The following PARP9 variants were observed in gnomAD, a reference collection of about 807,000 sequenced individuals.
PARP9 encodes the protein protein mono-ADP-ribosyltransferase PARP9.
A neutral mutation model predicts 68.8 loss-of-function variants in PARP9; 48 were observed. That is an observed-to-expected ratio of 0.70 (90% CI 0.55 to 0.89). The LOEUF is 0.89. PARP9 is among the 40% of genes least tolerant of loss of function. The pLI, the probability that PARP9 is intolerant of heterozygous loss-of-function variation, is 0.00. For synonymous variants in PARP9, 309 were observed against 333.8 expected (o/e 0.93, Z 0.81); for missense variants, 806 against 969.3 (o/e 0.83, Z 2.24).
chr3:122,536,853 G>T, intron 9 of PARP9, 81 bp downstream of exon 9: 1 of 1,473,698 alleles, frequency 6.8e-7, no homozygotes, highest in Non-Finnish European at 9.2e-7. Context: ...AGAATCATCA[G>T]CAGGTGAGCT....
rs2107562240 is a variant in PARP9, at chr3:122,534,052, T to A, written c.2080+2116A>T. On this transcript the variant is annotated intron_variant, in intron 10 of 10. Coordinates refer to ENST00000682323, the MANE Select transcript of PARP9 (RefSeq NM_001146105.2). ...TGCAGGTCACATTATGAGTCATGTC[T>A]GAATTGCCTCAAGGCAGTGGCTGTT... 1.0e-5 allele frequency: 10 copies of A among 985,480 alleles called. No homozygotes were observed. The South Asian group carries it at 4.7e-4, about 46-fold the overall frequency. 61.0% of individuals were successfully genotyped at this position (985,480 alleles called of 1,614,324 possible).
rs887019507 is a variant in PARP9, at chr3:122,557,464, C to T, written c.49+970G>A. On this transcript the variant is annotated intron_variant, in intron 3 of 10. Coordinates refer to ENST00000682323, the MANE Select transcript of PARP9 (RefSeq NM_001146105.2). ...CAAGAAGATGTGCTACTCAGATCTC[C>T]CTGCGATTGGCTATGAAGTGGGAAA... Among the ~76,000 whole-genome samples, 5 of 152,190 alleles carry T rather than the reference C, an allele frequency of 3.3e-5. 1 individual carries two copies. The highest frequency in any genetic ancestry group is 4.1e-4 in the South Asian group (2 of 4,836).
chr3:122,552,712 T>A, intron 4 of PARP9, 73 bp from the exon 5 acceptor site: 1 of 1,139,776 alleles, frequency 8.8e-7, no homozygotes. Context: ...AATCTTTACT[T>A]CCCTGAAGAG....
chr3:122,529,653 C>T (rs2077166230), intron 10 of PARP9, among the ~76,000 whole-genome samples: 1 of 151,086 alleles, frequency 6.6e-6, no homozygotes, highest in African/African-American at 2.4e-5. Flanking sequence ...ACTCCGGGGG[C>T]TGAGGCAGGA....
intron 10 of PARP9, chr3:122,532,545 G>T (rs747520360): frequency 1.8e-6 from 1 of 553,350 alleles, no homozygotes; most frequent in Non-Finnish European, 2.3e-6. Context: ...TGTGGTCATG[G>T]GGAACGTGAG....
chr3:122,559,590 C>A lies in PARP9; in HGVS notation c.15+16G>T, dbSNP rs377118843. 2 of 1,589,068 alleles carry A rather than the reference C, an allele frequency of 1.3e-6. No individual in the cohort carries two copies. Among genetic ancestry groups the A allele is most frequent in the South Asian group, 2.4e-5 (2 of 84,066 alleles). ...CTGATCAAGGTTCATGACGTATACA[C>A]ATTTATGCTTTTTACCATGGAAAAG... On this transcript the variant is annotated intron_variant, in intron 2 of 10. Coordinates refer to ENST00000682323, the MANE Select transcript of PARP9 (RefSeq NM_001146105.2).
intron 1 of PARP9, among the ~76,000 whole-genome samples, chr3:122,560,340 C>T (rs894428267): frequency 6.6e-6 from 1 of 152,228 alleles, no homozygotes. Context: ...CAGTTGCCCA[C>T]ACTTGTTGCT....
In PARP9 at chr3:122,559,598, C is replaced by CT. The variant is rs1559882729; in HGVS notation, c.15+7dup. 2 of 1,590,174 alleles carry CT rather than the reference C, an allele frequency of 1.3e-6. No homozygotes were observed. The highest frequency in any genetic ancestry group is 1.7e-6 in the Non-Finnish European group (2 of 1,168,270). Reference sequence around the variant, plus strand: ...GGTTCATGACGTATACACATTTATGCTTTTTACCATGGAAAAGTCCATCCT... The same window carrying CT: ...GGTTCATGACGTATACACATTTATGCTTTTTTACCATGGAAAAGTCCATCCT... On this transcript the variant is annotated splice_region_variant and intron_variant, in intron 2 of 10. Coordinates refer to ENST00000682323, the MANE Select transcript of PARP9 (RefSeq NM_001146105.2).
intron 10 of PARP9, chr3:122,533,819 T>C (rs1368658055): frequency 1.0e-6 from 1 of 985,344 alleles, no homozygotes; most frequent in Non-Finnish European, 1.2e-6. Flanking sequence ...AAAGGTTTGT[T>C]AACAGAAGTT....
In PARP9 at chr3:122,555,918, A is replaced by C. The variant is rs1285636116; in HGVS notation, c.253T>G (p.Leu85Val). 6.2e-7 allele frequency: 1 copy of C among 1,613,798 alleles called. No individual in the cohort carries two copies. The highest frequency in any genetic ancestry group is 2.2e-5 in the East Asian group (1 of 44,856). ...GTGAGGTCATCTTTCCAGACTGATA[A>C]CTCTATCCTAGGAGTCAGCATTTTT... ...FRKMLTPRIE[L>V]SVWKDDLTTH... Residue 85 changes from leucine (L) to valine (V), a missense_variant, in exon 4 of 11, where the codon TTA becomes GTA. Coordinates refer to ENST00000682323, the MANE Select transcript of PARP9 (RefSeq NM_001146105.2).
At chr3:122,562,677 C>T (rs371511651) in intron 1 of PARP9, among the ~76,000 whole-genome samples, 8 of 152,158 alleles carry the variant, frequency 5.3e-5, no homozygotes, top group African/African-American at 1.9e-4. Flanking sequence ...ATTTTTTACA[C>T]GAAAGGTAGT....
chr3:122,546,762 T>G (rs1254519198), intron 6 of PARP9, among the ~76,000 whole-genome samples: 2 of 151,952 alleles, frequency 1.3e-5, no homozygotes, highest in Non-Finnish European at 2.9e-5. Flanking sequence ...TTCTGTTTAA[T>G]GGTTCAGAAC....
At chr3:122,550,237 G>C (rs550852405) in intron 6 of PARP9, among the ~76,000 whole-genome samples, 1 of 152,018 alleles carries the variant, frequency 6.6e-6, no homozygotes, top group Non-Finnish European at 1.5e-5. Context: ...GTGCCACCAC[G>C]CCCAGCTAAT....
At position 122,528,660 on chromosome 3, in the gene PARP9, T is replaced by A. The variant is rs767706582; in HGVS notation, c.2164A>T (p.Lys722Ter). Residue 722 changes from lysine (K) to a stop codon, truncating the protein, a stop_gained, in exon 11 of 11, where the codon AAG becomes TAG. Transcript: ENST00000682323. LOFTEE classifies it low-confidence loss of function (END_TRUNC). The part of the protein sequence containing the change: ...EKAKKISAAD[K>*]LIYVFEAEVL... ...TCAGCCTCAAACACATAGATCAGCTTATCTGCAGCAGAGATTTTCTTGGCC... is the reference window on the plus strand; with the variant it reads ...TCAGCCTCAAACACATAGATCAGCTAATCTGCAGCAGAGATTTTCTTGGCC... 6.2e-7 allele frequency: 1 copy of A among 1,614,150 alleles called. No homozygotes were observed. Among genetic ancestry groups the A allele is most frequent in the South Asian group, 1.1e-5 (1 of 91,088 alleles).
Position 122,555,269 on chromosome 3 carries a change from T to G in PARP9, c.885+17A>C, listed in dbSNP as rs747679430. 1.3e-6 allele frequency: 2 copies of G among 1,587,968 alleles called. No individual in the cohort carries two copies. Among genetic ancestry groups the G allele is most frequent in the East Asian group, 4.5e-5 (2 of 44,674 alleles). ...GATCACCTGTGCCAGTGCAAGAGAA[T>G]AGAAACAAAGACTTACCGTCTGCCA... is the stretch of plus-strand genomic sequence containing the variant. On this transcript the variant is annotated intron_variant, in intron 4 of 10. Coordinates refer to ENST00000682323, the MANE Select transcript of PARP9 (RefSeq NM_001146105.2).
intron 10 of PARP9, chr3:122,533,858 TA>T: frequency 1.0e-6 from 1 of 985,494 alleles, no homozygotes; most frequent in Non-Finnish European, 1.2e-6. Context: ...GGTGGCCATC[TA>T]AATTGACTGA....
Position 122,556,022 on chromosome 3 carries a change from A to G in PARP9, c.149T>C (p.Leu50Pro). The G allele has an allele frequency of 6.2e-7, 1 of 1,613,994 alleles. No homozygotes were observed. Among genetic ancestry groups the G allele is most frequent in the African/African-American group, 1.3e-5 (1 of 74,996 alleles). The change falls in exon 4 of 11, where the codon CTC (leucine) becomes CCC (proline). Residue 50 changes from leucine (L) to proline (P), a missense_variant. Leu to Pro is a moderately conservative substitution (Grantham distance 98, BLOSUM62 -3). This residue lies in a region of PARP9 where 126 missense variants were observed against 110.5 expected (regional missense o/e 1.14). Coordinates refer to ENST00000682323, the MANE Select transcript of PARP9 (RefSeq NM_001146105.2). ...AGAGATACAGCCAAACTTATTCTGG[A>G]GGACTTCACACAGCTGACGCTCATT... ...KNNERQLCEVLQNKFGCISTL... is the reference protein window; with the variant it reads ...KNNERQLCEVPQNKFGCISTL...
At chr3:122,533,026 A>C (rs1490638322) in intron 10 of PARP9, 1 of 152,182 alleles carries the variant, frequency 6.6e-6, no homozygotes, top group African/African-American at 2.4e-5. Flanking sequence ...TTAGCGTGAT[A>C]ATTCTGGTGG....
intron 6 of PARP9, among the ~76,000 whole-genome samples, chr3:122,547,085 C>CACAT (rs1553717279): frequency 4.1e-5 from 5 of 121,626 alleles, no homozygotes; most frequent in Non-Finnish European, 9.1e-5. Flanking sequence ...CACACACACA[C>CACAT]ATATATATAT....
Sources: allele counts gnomAD v4.1 joint callset (sites outside exome capture counted in the v4.1 genomes callset), GRCh38; gene constraint gnomAD v4.1.1; regional missense constraint gnomAD v4.1.1; transcripts MANE v1.5; gene names NCBI Gene and HGNC (gene_info 2026-07-23, HGNC 2026-07-21).